EGFL6: variants seen among roughly 807,000 people sequenced by gnomAD.
EGFL6 encodes the protein EGF like domain multiple 6, also known as epidermal growth factor-like protein 6.
In EGFL6, 42 loss-of-function variants were observed where a neutral mutation model predicts 43.1. The ratio of observed to expected loss-of-function variants is 0.98; its 90% CI spans 0.76 to 1.26. The LOEUF is 1.26. Ranked by LOEUF, EGFL6 falls within the 50% of genes most tolerant of loss-of-function variation. EGFL6 has a pLI of 0.00. For synonymous variants in EGFL6, 164 were observed against 163.2 expected, an observed-to-expected ratio of 1.01 and a Z score of -0.04; for missense variants, 429 against 427.8, an observed-to-expected ratio of 1.00 and a Z score of -0.02.
intron 3 of EGFL6, chrX:13,596,647 C>A (rs182886607): frequency 2.7e-5 from 3 of 111,550 alleles, no homozygotes; most frequent in African/African-American, 9.8e-5. Context: ...GCAATCCTCT[C>A]GCCTCAGACT....
intron 7 of EGFL6, among the ~76,000 whole-genome samples, chrX:13,616,710 A>T (rs1482774388): frequency 7.1e-5 from 8 of 112,483 alleles, no homozygotes; most frequent in Non-Finnish European, 1.5e-4. Flanking sequence ...CCTTTGGGCA[A>T]GTCACTTAAC....
intron 1 of EGFL6, among the ~76,000 whole-genome samples, chrX:13,572,511 T>C (rs1468165088): frequency 8.9e-6 from 1 of 112,382 alleles, no homozygotes; most frequent in Non-Finnish European, 1.9e-5. Flanking sequence ...AGAACACTTA[T>C]TGATCTGAAC....
intron 3 of EGFL6, 30 bp from the exon 4 acceptor site, chrX:13,599,945 C>T (rs368001190): frequency 5.6e-5 from 68 of 1,204,375 alleles, no homozygotes; most frequent in Non-Finnish European, 7.2e-5. Flanking sequence ...ATTCAGTTCA[C>T]CTTTCCCTGT....
At chrX:13,608,135 T>C (rs1346499249) in intron 6 of EGFL6, among the ~76,000 whole-genome samples, 189 bp from the exon 7 acceptor site, 3 of 111,688 alleles carry the variant, frequency 2.7e-5, no homozygotes, top group East Asian at 2.8e-4. Context: ...ACTCCCTACA[T>C]ACCAGGCAGC....
chrX:13,591,149 C>A (rs900775639), intron 2 of EGFL6, among the ~76,000 whole-genome samples: 1 of 112,105 alleles, frequency 8.9e-6, no homozygotes, highest in African/African-American at 3.2e-5. Flanking sequence ...GACTTCTCGT[C>A]ATTAAAGCAC....
intron 8 of EGFL6, 140 bp downstream of exon 8, chrX:13,618,193 T>A: frequency 7.0e-6 from 4 of 571,512 alleles, no homozygotes; most frequent in Middle Eastern, 5.6e-4. Context: ...ACATTCTCTG[T>A]AATGTCTAGA....
intron 3 of EGFL6, among the ~76,000 whole-genome samples, chrX:13,597,692 G>C (rs1019024197): frequency 9.0e-6 from 1 of 111,352 alleles, no homozygotes; most frequent in East Asian, 2.8e-4. Context: ...GCTGAGGCAG[G>C]AGAATCACAT....
intron 7 of EGFL6, among the ~76,000 whole-genome samples, chrX:13,612,866 C>T (rs1401665860): frequency 4.5e-5 from 5 of 111,617 alleles, no homozygotes; most frequent in Non-Finnish European, 9.4e-5. Flanking sequence ...GGGCATAGGC[C>T]GGGCGCAGTA....
At chrX:13,629,390 C>T (rs756973402) in intron 11 of EGFL6, among the ~76,000 whole-genome samples, 1 of 111,232 alleles carries the variant, frequency 9.0e-6, no homozygotes, top group East Asian at 2.8e-4. Context: ...TGGTAGCTTG[C>T]AGGGAGGGTA....
chrX:13,601,604 C>T (rs1488915739), intron 4 of EGFL6, among the ~76,000 whole-genome samples: 1 of 111,882 alleles, frequency 8.9e-6, no homozygotes, highest in Non-Finnish European at 1.9e-5. Flanking sequence ...GCCTAGTGCA[C>T]GGGCTCCTCC....
chrX:13,631,614 C>T (rs2045811430), intron 11 of EGFL6, among the ~76,000 whole-genome samples: 1 of 110,147 alleles, frequency 9.1e-6, no homozygotes. Context: ...AAACCCTGTA[C>T]TAAAAATTTA....
At chrX:13,576,214 G>A (rs1329162288) in intron 1 of EGFL6, among the ~76,000 whole-genome samples, 1 of 112,208 alleles carries the variant, frequency 8.9e-6, no homozygotes, top group Non-Finnish European at 1.9e-5. Context: ...AATCATGGCA[G>A]AAGGTGAAGC....
chrX:13,629,711 T>C (rs2045800526), intron 11 of EGFL6, among the ~76,000 whole-genome samples: 1 of 112,349 alleles, frequency 8.9e-6, no homozygotes, highest in Admixed American at 9.4e-5. Context: ...TCACATTGCT[T>C]TCTCGAAATC....
At chrX:13,625,830 G>A (rs764726659) in intron 10 of EGFL6, among the ~76,000 whole-genome samples, 1 of 100,503 alleles carries the variant, frequency 9.9e-6, no homozygotes, top group African/African-American at 3.9e-5. Context: ...AGGCTATAAT[G>A]AGCTATGATG....
chrX:13,601,364 C>A (rs186731672), intron 4 of EGFL6, among the ~76,000 whole-genome samples: 2 of 111,352 alleles, frequency 1.8e-5, no homozygotes, highest in Non-Finnish European at 3.8e-5. Flanking sequence ...GAGTCTATAC[C>A]CATTCATTTA....
chrX:13,596,570 G>A (rs936502639), intron 3 of EGFL6: 1 of 111,884 alleles, frequency 8.9e-6, no homozygotes, highest in Non-Finnish European at 1.9e-5. Context: ...TAGAGATGGG[G>A]GTCTCACTAT....
rs945362725 is a variant in EGFL6 at position 13,589,649 on chromosome X, C to T, written c.168C>T (p.Asn56=). Reference sequence around the variant, plus strand: ...CCTGCTGCTACGGCTGGAGAAGAAACAGCAAGGGAGTCTGTGAAGGTAATT... The same window carrying T: ...CCTGCTGCTACGGCTGGAGAAGAAATAGCAAGGGAGTCTGTGAAGGTAATT... The part of the protein sequence containing the change: ...KLACCYGWRR[N]SKGVCEATCE... The change falls in exon 2 of 12, where the codon AAC becomes AAT. Residue 56 remains asparagine, a synonymous_variant. Coordinates refer to ENST00000361306, the MANE Select transcript of EGFL6 (RefSeq NM_015507.4). The T allele has an allele frequency of 2.5e-6, 3 of 1,208,342 alleles. No individual in the cohort carries two copies. Among genetic ancestry groups the T allele is most frequent in the Non-Finnish European group, 2.2e-6 (2 of 894,125 alleles).
intron 4 of EGFL6, among the ~76,000 whole-genome samples, chrX:13,602,376 G>A (rs1016781015): frequency 8.9e-6 from 1 of 112,285 alleles, no homozygotes; most frequent in Non-Finnish European, 1.9e-5. Context: ...ATTTGTGTAA[G>A]ATAAGTTATA....
chrX:13,593,617 G>C (rs976881920), intron 2 of EGFL6, among the ~76,000 whole-genome samples: 4 of 111,809 alleles, frequency 3.6e-5, no homozygotes, highest in Non-Finnish European at 7.5e-5. Context: ...AGCTGTGGTG[G>C]GGAAAGCAGG....
Sources: gnomAD v4.1 joint callset for allele counts (sites outside exome capture counted in the v4.1 genomes callset) on GRCh38, gnomAD v4.1.1 for gene constraint, MANE v1.5 for transcripts, NCBI Gene and HGNC (gene_info 2026-07-23, HGNC 2026-07-21) for gene names.